The following XKR6 variants were observed in gnomAD, a reference collection of about 807,000 sequenced individuals.
XKR6 encodes the protein XK related 6.
A neutral mutation model predicts 56.7 loss-of-function variants in XKR6; 22 were observed. The ratio of observed to expected loss-of-function variants is 0.39; its 90% CI spans 0.28 to 0.55. The LOEUF (loss-of-function observed/expected upper bound fraction) is 0.55. Among genes scored for constraint, XKR6 ranks in the 20% least tolerant of loss-of-function variants. XKR6 has a pLI of 0.66. For missense variants in XKR6, 852 were observed against 889.0 expected, an observed-to-expected ratio of 0.96 and a Z score of 0.53; for synonymous variants, 524 against 387.8, an observed-to-expected ratio of 1.35 and a Z score of -4.13.
chr8:10,960,619 A>G (rs1050517769), intron 1 of XKR6, among the ~76,000 whole-genome samples: 2 of 152,246 alleles, frequency 1.3e-5, no homozygotes, highest in African/African-American at 4.8e-5. Context: ...CAGGGGCATC[A>G]TTCTCAATTT....
At chr8:11,011,794 G>C (rs1290307481) in intron 1 of XKR6, among the ~76,000 whole-genome samples, 1 of 152,194 alleles carries the variant, frequency 6.6e-6, no homozygotes, top group Non-Finnish European at 1.5e-5. Flanking sequence ...GAATATTTCA[G>C]GCAGAAGCCA....
At chr8:11,139,531 T>C (rs998038701) in intron 1 of XKR6, among the ~76,000 whole-genome samples, 2 of 151,432 alleles carry the variant, frequency 1.3e-5, no homozygotes, top group African/African-American at 4.9e-5. Context: ...GGGAGTGCAG[T>C]CCGAGGGACT....
At chr8:10,962,669 A>C (rs1019895538) in intron 1 of XKR6, among the ~76,000 whole-genome samples, 1 of 151,884 alleles carries the variant, frequency 6.6e-6, no homozygotes, top group Non-Finnish European at 1.5e-5. Context: ...TCTGTTGTCC[A>C]GCCTGGAGTG....
chr8:11,170,757 A>T (rs2117044858), intron 1 of XKR6, among the ~76,000 whole-genome samples: 1 of 152,340 alleles, frequency 6.6e-6, no homozygotes, highest in South Asian at 2.1e-4. Flanking sequence ...ATTCTGATAC[A>T]CATCTCAAGT....
intron 1 of XKR6, among the ~76,000 whole-genome samples, chr8:11,053,920 T>C (rs546382680): frequency 6.6e-6 from 1 of 152,334 alleles, no homozygotes; most frequent in African/African-American, 2.4e-5. Flanking sequence ...TTTTCAGCCA[T>C]GCACAAACAT....
intron 1 of XKR6, among the ~76,000 whole-genome samples, chr8:10,967,532 G>C (rs1353266184): frequency 6.6e-6 from 1 of 152,216 alleles, no homozygotes; most frequent in African/African-American, 2.4e-5. Context: ...GCAGAGGTCG[G>C]GGGGCGTGGG....
chr8:10,942,200 C>G (rs1801403842), intron 1 of XKR6, among the ~76,000 whole-genome samples: 1 of 152,138 alleles, frequency 6.6e-6, no homozygotes, highest in Non-Finnish European at 1.5e-5. Flanking sequence ...ACACGGCATT[C>G]ACAATATGCA....
In XKR6 at chr8:11,200,467, CTTCGAGCCCCCCGCGCTGGGCCCT is replaced by C; in HGVS notation, c.764+85_764+108del. The C allele has an allele frequency of 7.7e-7, 1 of 1,298,140 alleles. No individual in the cohort carries two copies. Among genetic ancestry groups the C allele is most frequent in the Non-Finnish European group, 9.8e-7 (1 of 1,018,786 alleles). 80.4% of individuals were successfully genotyped at this position (1,298,140 alleles called of 1,614,324 possible). A position where few individuals can be genotyped will look rare whatever the true frequency, so the allele number is the denominator to read the frequency against. On this transcript the variant is annotated intron_variant, in intron 1 of 2. Coordinates refer to ENST00000416569, the MANE Select transcript of XKR6 (RefSeq NM_173683.4). The surrounding 1 kb of genome is among the most constrained non-coding windows in gnomAD (Gnocchi z 6.4). The stretch of plus-strand genomic sequence containing the variant: ...AGGGGCGGCGCGCGGCCGGTCCCTC[CTTCGAGCCCCCCGCGCTGGGCCCT>C]TTCGAGGGGCCGCCCCGCGAAGCAC...
intron 1 of XKR6, among the ~76,000 whole-genome samples, chr8:11,121,436 G>C (rs1392316724): frequency 2.6e-5 from 4 of 152,314 alleles, no homozygotes; most frequent in African/African-American, 7.2e-5. Context: ...ATGAAAAAAT[G>C]CTCATCATCA....
intron 1 of XKR6, among the ~76,000 whole-genome samples, chr8:11,148,331 T>G (rs1483789840): frequency 2.0e-5 from 3 of 152,176 alleles, no homozygotes; most frequent in Non-Finnish European, 4.4e-5. Flanking sequence ...TGACACGGGA[T>G]GTGCATGCTC....
At chr8:10,950,716 A>C (rs956640404) in intron 1 of XKR6, among the ~76,000 whole-genome samples, 1 of 152,210 alleles carries the variant, frequency 6.6e-6, no homozygotes, top group Admixed American at 6.5e-5. Context: ...TGAGATGGCG[A>C]GAACATACAA....
intron 1 of XKR6, among the ~76,000 whole-genome samples, chr8:11,087,412 G>A (rs1797925218): frequency 6.6e-6 from 1 of 152,190 alleles, no homozygotes; most frequent in African/African-American, 2.4e-5. Flanking sequence ...GTCAATCTCA[G>A]CAGTCCCATT....
intron 2 of XKR6, among the ~76,000 whole-genome samples, chr8:10,906,367 T>A (rs569405965): frequency 1.3e-5 from 2 of 152,324 alleles, no homozygotes; most frequent in South Asian, 4.1e-4. Context: ...GTCTCCAAAT[T>A]CAGTGCCTAC....
intron 1 of XKR6, among the ~76,000 whole-genome samples, chr8:11,103,391 C>A (rs1586548508): frequency 6.6e-6 from 1 of 152,180 alleles, no homozygotes; most frequent in African/African-American, 2.4e-5. Flanking sequence ...GAATCAGGCC[C>A]CACAAGAACT....
At chr8:10,988,191 TTATC>T (rs1322870851) in intron 1 of XKR6, among the ~76,000 whole-genome samples, 3 of 152,308 alleles carry the variant, frequency 2.0e-5, no homozygotes, top group African/African-American at 7.2e-5. Context: ...CTTATTGATT[TTATC>T]TATTATCTGA....
At chr8:11,175,814 A>G (rs995759291) in intron 1 of XKR6, among the ~76,000 whole-genome samples, 1 of 152,106 alleles carries the variant, frequency 6.6e-6, no homozygotes, top group Non-Finnish European at 1.5e-5. Flanking sequence ...AAAATACACT[A>G]CACATCCGTC....
At chr8:10,901,294 G>T (rs1419526272) in intron 2 of XKR6, among the ~76,000 whole-genome samples, 1 of 152,066 alleles carries the variant, frequency 6.6e-6, no homozygotes, top group African/African-American at 2.4e-5. Context: ...GACCTCAAGT[G>T]ATCTGCCCAC....
chr8:11,182,606 A>T (rs559438666), intron 1 of XKR6, among the ~76,000 whole-genome samples: 1 of 152,330 alleles, frequency 6.6e-6, no homozygotes, highest in East Asian at 1.9e-4. Flanking sequence ...CAACAGTCCT[A>T]AGTGAGGAAG....
At chr8:10,908,646 C>T (rs913506252) in intron 2 of XKR6, among the ~76,000 whole-genome samples, 1 of 152,128 alleles carries the variant, frequency 6.6e-6, no homozygotes, top group African/African-American at 2.4e-5. Context: ...GCTTCTCAGC[C>T]AGGCCCTCCC....
Sources: gnomAD v4.1 joint callset for allele counts (sites outside exome capture counted in the v4.1 genomes callset) on GRCh38, gnomAD v4.1.1 for gene constraint, Gnocchi (gnomAD v3.1) non-coding constraint, MANE v1.5 for transcripts, NCBI Gene and HGNC (gene_info 2026-07-23, HGNC 2026-07-21) for gene names.